Variants in TPRX1 observed in about 807,000 individuals in gnomAD.
The protein encoded by TPRX1 is tetrapeptide repeat homeobox 1.
A neutral mutation model predicts 8.1 loss-of-function variants in TPRX1; 2 were observed. The ratio of observed to expected loss-of-function variants is 0.25; its 90% CI spans 0.10 to 0.78. The LOEUF is 0.78. Among genes scored for constraint, TPRX1 ranks in the 30% least tolerant of loss-of-function variants. TPRX1 has a pLI of 0.70. For synonymous variants in TPRX1, 257 were observed against 254.1 expected, an observed-to-expected ratio of 1.01 and a Z score of -0.11; for missense variants, 517 against 586.9, an observed-to-expected ratio of 0.88 and a Z score of 1.23.
At chr19:47,813,508 C>T (rs144780857) in intron 2 of TPRX1, among the ~76,000 whole-genome samples, 178 of 152,236 alleles carry the variant, frequency 1.2e-3, no homozygotes, top group African/African-American at 3.9e-3. Context: ...GTGACCGTGG[C>T]GGCGAGAGTC....
At chr19:47,813,542 C>T (rs368777741) in intron 2 of TPRX1, among the ~76,000 whole-genome samples, 2 of 152,212 alleles carry the variant, frequency 1.3e-5, no homozygotes, top group African/African-American at 2.4e-5. Flanking sequence ...ACTTTCCAGG[C>T]GCGGGGAGCA....
intron 2 of TPRX1, among the ~76,000 whole-genome samples, chr19:47,809,098 C>T (rs534191043): frequency 1.3e-5 from 2 of 152,134 alleles, no homozygotes; most frequent in South Asian, 4.2e-4. Context: ...CCTCCCAAAT[C>T]CCCATGTCTG....
intron 2 of TPRX1, among the ~76,000 whole-genome samples, chr19:47,810,128 G>C (rs952465168): frequency 2.0e-5 from 3 of 150,728 alleles, no homozygotes; most frequent in Admixed American, 6.6e-5. Flanking sequence ...GGTGGAGGGC[G>C]CCTGTAATCC....
chr19:47,805,402 G>A (rs1055057703), intron 2 of TPRX1, among the ~76,000 whole-genome samples: 1 of 152,154 alleles, frequency 6.6e-6, no homozygotes, highest in African/African-American at 2.4e-5. Flanking sequence ...TGAACCTACT[G>A]CTGATGATAC....
exon 4 of TPRX1, chr19:47,802,258 G>A: frequency 6.3e-7 from 1 of 1,591,330 alleles, no homozygotes; most frequent in East Asian, 2.3e-5. Context: ...TTGGGCCTGG[G>A]ATCAGGCCTG....
intron 2 of TPRX1, among the ~76,000 whole-genome samples, chr19:47,803,988 C>T (rs1221655332): frequency 1.3e-5 from 2 of 151,590 alleles, no homozygotes; most frequent in African/African-American, 4.8e-5. Context: ...TATAGGGACC[C>T]TGACACTTGC....
At chr19:47,801,877 C>T (rs780337993) in exon 4 of TPRX1, 2 of 1,614,162 alleles carry the variant, frequency 1.2e-6, no homozygotes, top group Non-Finnish European at 8.5e-7. Flanking sequence ...TAGAGTCATC[C>T]CCTTCTTGGT....
At chr19:47,818,388 C>CCATCCA (rs1568618571) in intron 2 of TPRX1, 1 of 341,736 alleles carries the variant, frequency 2.9e-6, no homozygotes, top group African/African-American at 2.6e-5. Flanking sequence ...CCATCCATCC[C>CCATCCA]TCCATCCATC....
At position 47,805,097 on chromosome 19, in the gene TPRX1, G is replaced by A. The variant is rs112720019; in HGVS notation, c.152-1424C>T. Among the ~76,000 whole-genome samples the A allele has an allele frequency of 3.7e-3, 564 of 152,294 alleles. 2 individuals carry two copies. Among genetic ancestry groups the A allele is most frequent in the Admixed American group, 5.0e-3 (77 of 15,296 alleles). On this transcript the variant is annotated intron_variant, in intron 2 of 3. Transcript: ENST00000535759. Reference sequence around the variant, plus strand: ...ATCCATTCCAAAAATTGCTCCCTAGGTGCCTATAGGTGTAAGCAGAGCTTA... The same window carrying A: ...ATCCATTCCAAAAATTGCTCCCTAGATGCCTATAGGTGTAAGCAGAGCTTA...
At chr19:47,809,424 G>A (rs1195801287) in intron 2 of TPRX1, among the ~76,000 whole-genome samples, 1 of 151,852 alleles carries the variant, frequency 6.6e-6, no homozygotes, top group African/African-American at 2.4e-5. Flanking sequence ...GAGAGGACAG[G>A]CGCATGTGCC....
intron 2 of TPRX1, among the ~76,000 whole-genome samples, chr19:47,814,474 C>T (rs1343788372): frequency 6.6e-6 from 1 of 152,176 alleles, no homozygotes; most frequent in Non-Finnish European, 1.5e-5. Context: ...GCCTAGGCAA[C>T]ATAGCGAGAC....
chr19:47,805,278 G>A (rs1967725520), intron 2 of TPRX1, among the ~76,000 whole-genome samples: 1 of 152,120 alleles, frequency 6.6e-6, no homozygotes, highest in Admixed American at 6.6e-5. Context: ...CGGGGCTCGT[G>A]TGCTGGGTTC....
chr19:47,802,137 G>C (rs201517173), exon 4 of TPRX1: 3 of 1,588,706 alleles, frequency 1.9e-6, no homozygotes, highest in South Asian at 1.2e-5. Flanking sequence ...CTTCGCATCC[G>C]GCCAGGACTT....
At chr19:47,802,582 G>A (rs1269267754) in exon 4 of TPRX1, 2 of 1,550,590 alleles carry the variant, frequency 1.3e-6, no homozygotes, top group Non-Finnish European at 1.7e-6. Context: ...CTGGGATCTG[G>A]ACTGGGCCTG....
chr19:47,818,138 C>A (rs1428732682), intron 2 of TPRX1, among the ~76,000 whole-genome samples: 1 of 152,204 alleles, frequency 6.6e-6, no homozygotes, highest in African/African-American at 2.4e-5. Flanking sequence ...TTTGGGAAAA[C>A]ATCACACCAC....
chr19:47,802,411 T>C (rs1967681908), exon 4 of TPRX1: 1 of 1,299,322 alleles, frequency 7.7e-7, no homozygotes, highest in Non-Finnish European at 1.1e-6. Flanking sequence ...GGATCGGGAC[T>C]GAGATTGGGC....
chr19:47,806,847 G>A (rs1967739770), intron 2 of TPRX1, among the ~76,000 whole-genome samples: 1 of 152,082 alleles, frequency 6.6e-6, no homozygotes, highest in Non-Finnish European at 1.5e-5. Flanking sequence ...GGTGAAAAAT[G>A]TTCTAAAATT....
chr19:47,813,956 C>T (rs951118291), intron 2 of TPRX1, among the ~76,000 whole-genome samples: 20 of 886 alleles, frequency 0.023, no homozygotes, highest in African/African-American at 0.047. Flanking sequence ...GTGGTGGGGG[C>T]GGGGTGGGGG....
intron 2 of TPRX1, among the ~76,000 whole-genome samples, chr19:47,809,766 A>G (rs961347252): frequency 2.0e-5 from 3 of 152,084 alleles, no homozygotes; most frequent in African/African-American, 7.2e-5. Context: ...CCCTGCCCAC[A>G]GAAGTCCCCA....
Sources: gnomAD v4.1 joint callset for allele counts (sites outside exome capture counted in the v4.1 genomes callset) on GRCh38, gnomAD v4.1.1 for gene constraint, MANE v1.5 for transcripts, NCBI Gene and HGNC (gene_info 2026-07-23, HGNC 2026-07-21) for gene names.